The following DSCAM variants were observed in gnomAD, a reference collection of about 807,000 sequenced individuals.
The protein encoded by DSCAM is cell adhesion molecule DSCAM.
In DSCAM, 47 loss-of-function variants were observed where a neutral mutation model predicts 217.7. The ratio of observed to expected loss-of-function variants is 0.22; its 90% CI spans 0.17 to 0.28. The LOEUF is 0.28. DSCAM is among the 10% of genes least tolerant of loss of function. The probability of loss-of-function intolerance (pLI) is 1.00; values close to 1 mark genes in which losing one functional copy is unlikely to be tolerated. For missense variants in DSCAM, 2,080 were observed against 2,618.3 expected (o/e 0.79, Z 4.49); for synonymous variants, 1,056 against 1,015.3 (o/e 1.04, Z -0.76).
chr21:40,607,250 C>T (rs1277702853), intron 3 of DSCAM, among the ~76,000 whole-genome samples: 2 of 152,052 alleles, frequency 1.3e-5, no homozygotes, highest in African/African-American at 4.8e-5. Context: ...ACTAATAAAA[C>T]AATCACAATT....
At chr21:40,307,171 C>T (rs1248457386) in intron 9 of DSCAM, among the ~76,000 whole-genome samples, 11 of 151,824 alleles carry the variant, frequency 7.2e-5, no homozygotes, top group Middle Eastern at 6.8e-3. Context: ...AGAAAATTTT[C>T]GCAACCTACT....
intron 1 of DSCAM, among the ~76,000 whole-genome samples, chr21:40,806,478 G>A (rs1372046292): frequency 6.6e-6 from 1 of 152,162 alleles, no homozygotes; most frequent in Non-Finnish European, 1.5e-5. Flanking sequence ...CTACACAAGC[G>A]TCTTTGAATG....
chr21:40,769,757 G>A (rs2091428374), intron 1 of DSCAM, among the ~76,000 whole-genome samples: 1 of 152,056 alleles, frequency 6.6e-6, no homozygotes, highest in Non-Finnish European at 1.5e-5. Context: ...GGCTATCCTG[G>A]GTATCTGATC....
intron 3 of DSCAM, among the ~76,000 whole-genome samples, chr21:40,629,083 GTGTGTGT>G (rs1363890467): frequency 2.4e-4 from 1 of 4,218 alleles, no homozygotes; most frequent in Non-Finnish European, 9.1e-4. Flanking sequence ...TGTGGTGTGT[GTGTGTGT>G]GTGTGTGTGT....
At chr21:40,609,682 G>A (rs1300754984) in intron 3 of DSCAM, among the ~76,000 whole-genome samples, 2 of 152,314 alleles carry the variant, frequency 1.3e-5, no homozygotes, top group South Asian at 2.1e-4. Flanking sequence ...GCATTGTTAG[G>A]ACTGAATTGT....
intron 3 of DSCAM, among the ~76,000 whole-genome samples, chr21:40,591,182 C>G (rs1484635595): frequency 6.6e-6 from 1 of 152,202 alleles, no homozygotes; most frequent in Non-Finnish European, 1.5e-5. Flanking sequence ...CTTACTTCCC[C>G]TTTGCCTTCC....
intron 3 of DSCAM, among the ~76,000 whole-genome samples, chr21:40,632,509 C>T (rs1228534691): frequency 6.6e-6 from 1 of 152,096 alleles, no homozygotes; most frequent in Non-Finnish European, 1.5e-5. Flanking sequence ...CGAGGTAAAA[C>T]ATATAAAGGA....
chr21:40,300,477 C>T lies in DSCAM; in HGVS notation c.2063-4303G>A, dbSNP rs139165720. On this transcript the variant is annotated intron_variant, in intron 9 of 32. Transcript: ENST00000400454. ...CCCCTCTGTCCACCCGGCTTCAGCA[C>T]CTCTGGGAGGACAGCTCCACCTCCA... Among the ~76,000 whole-genome samples the T allele has an allele frequency of 8.1e-4, 123 of 152,338 alleles. 1 individual carries two copies. The highest frequency in any genetic ancestry group is 3.9e-4 in the Admixed American group (6 of 15,304).
In DSCAM at chr21:40,089,285, T is replaced by C. The variant is rs538649521; in HGVS notation, c.3851-1998A>G. On this transcript the variant is annotated intron_variant, in intron 21 of 32. Coordinates refer to ENST00000400454, the MANE Select transcript of DSCAM (RefSeq NM_001389.5). ...CCAAGAGAATCCCCTAGAATCTTTG[T>C]TTAAAATGCAGGTTCCCACCACAGC... Among the ~76,000 whole-genome samples the C allele has an allele frequency of 7.6e-4, 116 of 152,296 alleles. 1 individual carries two copies. Among genetic ancestry groups the C allele is most frequent in the African/African-American group, 2.6e-3 (109 of 41,566 alleles).
chr21:40,655,469 G>T (rs1421312304), intron 3 of DSCAM, among the ~76,000 whole-genome samples: 4 of 144,494 alleles, frequency 2.8e-5, no homozygotes, highest in African/African-American at 7.8e-5. Context: ...TTGAGACAGG[G>T]TCTCACTCTG....
chr21:40,204,945 G>A (rs553622506), intron 11 of DSCAM, among the ~76,000 whole-genome samples: 2 of 152,208 alleles, frequency 1.3e-5, no homozygotes, highest in African/African-American at 4.8e-5. Context: ...ACATTTGCAG[G>A]AATACATTCC....
chr21:40,262,930 T>C (rs750301314), intron 11 of DSCAM, among the ~76,000 whole-genome samples: 18 of 152,226 alleles, frequency 1.2e-4, no homozygotes, highest in Non-Finnish European at 2.5e-4. Context: ...TTTCTTGCCA[T>C]TGGCCATCTC....
intron 11 of DSCAM, among the ~76,000 whole-genome samples, chr21:40,196,461 T>C (rs1181197096): frequency 1.3e-5 from 2 of 152,196 alleles, no homozygotes; most frequent in Non-Finnish European, 2.9e-5. Flanking sequence ...GTGGGGGTTA[T>C]GCATGGATTT....
At chr21:40,780,413 GTGTGTGTGTGTATA>G (rs1237278116) in intron 1 of DSCAM, among the ~76,000 whole-genome samples, 63 of 45,122 alleles carry the variant, frequency 1.4e-3, no homozygotes, top group African/African-American at 5.6e-3. Context: ...GTGTGTGTGT[GTGTGTGTGTGTATA>G]TATATATATA....
intron 11 of DSCAM, among the ~76,000 whole-genome samples, chr21:40,244,366 G>A (rs922512458): frequency 2.0e-5 from 3 of 151,168 alleles, no homozygotes; most frequent in African/African-American, 2.4e-5. Context: ...CAGGAGAATC[G>A]CTTGAACCCA....
intron 1 of DSCAM, among the ~76,000 whole-genome samples, chr21:40,755,604 T>A (rs2091267956): frequency 6.6e-6 from 1 of 152,092 alleles, no homozygotes; most frequent in Non-Finnish European, 1.5e-5. Context: ...TCCCCTACCC[T>A]GAGAGGCCAC....
In DSCAM at chr21:40,291,614, G is replaced by A. The variant is rs548042440; in HGVS notation, c.2182+4441C>T. On this transcript the variant is annotated intron_variant, in intron 10 of 32. Transcript: ENST00000400454. ...CTCGCCCCCTACCCCCAACTCTTGG[G>A]AACTAGCTGGCCCCTCACCTTCCGG... Among the ~76,000 whole-genome samples the A allele has an allele frequency of 5.8e-4, 88 of 152,274 alleles. No individual in the cohort carries two copies. In the South Asian group the frequency reaches 8.7e-3, roughly 15 times the overall value.
intron 32 of DSCAM, among the ~76,000 whole-genome samples, chr21:40,015,398 G>A (rs1349451341): frequency 6.1e-5 from 9 of 148,000 alleles, no homozygotes; most frequent in Admixed American, 2.8e-4. Context: ...TAATTCTACC[G>A]GCAAAATATC....
intron 5 of DSCAM, among the ~76,000 whole-genome samples, chr21:40,352,603 C>T (rs1158177898): frequency 6.6e-6 from 1 of 152,140 alleles, no homozygotes; most frequent in Non-Finnish European, 1.5e-5. Flanking sequence ...TAAGAAAACA[C>T]TTCTATTGTC....
Sources: allele counts gnomAD v4.1 joint callset (sites outside exome capture counted in the v4.1 genomes callset), GRCh38; gene constraint gnomAD v4.1.1; transcripts MANE v1.5; gene names NCBI Gene and HGNC (gene_info 2026-07-23, HGNC 2026-07-21).